The following TGFA variants were observed in gnomAD, a reference collection of about 807,000 sequenced individuals.
TGFA encodes transforming growth factor alpha.
TGFA carries 12 observed loss-of-function variants against 21.7 expected under a neutral mutation model. The observed-to-expected ratio is 0.55, with a 90% CI of 0.35 to 0.90. TGFA has a LOEUF of 0.90. Among genes scored for constraint, TGFA ranks in the 40% least tolerant of loss-of-function variants. The pLI, the probability that TGFA is intolerant of heterozygous loss-of-function variation, is 0.01. For missense variants in TGFA, 178 were observed against 210.8 expected (o/e 0.84, Z 0.96); for synonymous variants, 79 against 88.1 (o/e 0.90, Z 0.58).
At chr2:70,549,327 G>C (rs1421246966) in intron 1 of TGFA, among the ~76,000 whole-genome samples, 1 of 152,162 alleles carries the variant, frequency 6.6e-6, no homozygotes, top group Non-Finnish European at 1.5e-5. Flanking sequence ...ACGTACTTTA[G>C]GTAACATGCA....
intron 2 of TGFA, among the ~76,000 whole-genome samples, chr2:70,489,464 G>A (rs782462325): frequency 2.6e-5 from 4 of 152,332 alleles, no homozygotes; most frequent in South Asian, 2.1e-4. Context: ...AGAATCACAC[G>A]GTTGCCACCC....
chr2:70,458,074 G>A (rs1332433616), intron 3 of TGFA, among the ~76,000 whole-genome samples: 1 of 152,142 alleles, frequency 6.6e-6, no homozygotes, highest in South Asian at 2.1e-4. Context: ...GACTTTCAAC[G>A]GCTCAGGGGC....
At chr2:70,472,637 C>T (rs1219321008) in intron 2 of TGFA, among the ~76,000 whole-genome samples, 7 of 152,210 alleles carry the variant, frequency 4.6e-5, no homozygotes, top group African/African-American at 1.7e-4. Flanking sequence ...CTCCTCCCAA[C>T]AGCCCTGCTC....
chr2:70,521,646 G>A (rs1331098140), intron 1 of TGFA, among the ~76,000 whole-genome samples: 1 of 68,390 alleles, frequency 1.5e-5, no homozygotes, highest in Non-Finnish European at 2.5e-5. Flanking sequence ...TTTGAGTCTC[G>A]CTCTGTCTCC....
Position 70,450,808 on chromosome 2 carries a change from T to C in TGFA, c.*51A>G, listed in dbSNP as rs1670030105. 4.4e-6 allele frequency: 7 copies of C among 1,600,510 alleles called. No homozygotes were observed. In the East Asian group the frequency reaches 1.3e-4, roughly 31 times the overall value. ...GGCAGTGCTGTCCTGAAGAAGCCTT[T>C]CTTTATTGATCTGCCACAGTCCACC... On this transcript the variant is annotated 3_prime_UTR_variant, in exon 6 of 6. Transcript: ENST00000295400.
intron 2 of TGFA, among the ~76,000 whole-genome samples, chr2:70,492,681 C>T (rs1288250976): frequency 1.3e-5 from 2 of 152,154 alleles, no homozygotes; most frequent in African/African-American, 2.4e-5. Flanking sequence ...AATTATTGAA[C>T]TGAATTCGTG....
At chr2:70,488,741 T>A (rs536317775) in intron 2 of TGFA, among the ~76,000 whole-genome samples, 1 of 152,362 alleles carries the variant, frequency 6.6e-6, no homozygotes, top group Non-Finnish European at 1.5e-5. Context: ...ACTGACATTA[T>A]AATTATACAT....
chr2:70,455,514 T>G (rs1670202891), intron 4 of TGFA, among the ~76,000 whole-genome samples: 1 of 152,218 alleles, frequency 6.6e-6, no homozygotes, highest in Non-Finnish European at 1.5e-5. Flanking sequence ...GTCCTGTGAC[T>G]TCTTTGTGCA....
In TGFA at chr2:70,448,196, G is replaced by A. The variant is rs1669944845; in HGVS notation, c.*2663C>T. 6.6e-6 allele frequency: 1 copy of A among 152,142 alleles called. No homozygotes were observed. The highest frequency in any genetic ancestry group is 1.5e-5 in the Non-Finnish European group (1 of 68,044). The allele number at this position is 152,142 out of a possible 1,614,324, so 9.4% of individuals were successfully genotyped here. A position where few individuals can be genotyped will look rare whatever the true frequency, so the allele number is the denominator to read the frequency against. On this transcript the variant is annotated 3_prime_UTR_variant, in exon 6 of 6. Transcript: ENST00000295400. ...GTCTTCCAGATCAGGGTTGGCTGCTGTCTATCTTTCCATGTAGAAGAAAAC... is the reference window on the plus strand; with the variant it reads ...GTCTTCCAGATCAGGGTTGGCTGCTATCTATCTTTCCATGTAGAAGAAAAC...
chr2:70,472,476 G>C (rs893435649), intron 2 of TGFA, among the ~76,000 whole-genome samples: 3 of 152,206 alleles, frequency 2.0e-5, no homozygotes, highest in African/African-American at 7.2e-5. Context: ...TTTGCCTAGA[G>C]ACCACAGACC....
chr2:70,466,248 C>T (rs1670556638), intron 2 of TGFA, among the ~76,000 whole-genome samples: 1 of 152,222 alleles, frequency 6.6e-6, no homozygotes, highest in African/African-American at 2.4e-5. Context: ...GTGGCTCACG[C>T]CTGTAATCCC....
intron 2 of TGFA, among the ~76,000 whole-genome samples, chr2:70,482,839 A>G (rs1376569272): frequency 6.6e-6 from 1 of 152,178 alleles, no homozygotes; most frequent in African/African-American, 2.4e-5. Context: ...TGCTCATAAA[A>G]GTCTCAACAG....
At chr2:70,529,975 G>A (rs983785703) in intron 1 of TGFA, among the ~76,000 whole-genome samples, 2 of 152,066 alleles carry the variant, frequency 1.3e-5, no homozygotes, top group African/African-American at 4.8e-5. Context: ...TGAATGTGGG[G>A]GTATACTTTG....
intron 1 of TGFA, among the ~76,000 whole-genome samples, chr2:70,543,257 G>A (rs192128808): frequency 9.3e-4 from 142 of 152,054 alleles, no homozygotes; most frequent in Non-Finnish European, 1.6e-3. Flanking sequence ...GCCTGGCATG[G>A]TGGCTCATGC....
chr2:70,471,110 C>T (rs1187468622), intron 2 of TGFA, among the ~76,000 whole-genome samples: 3 of 133,202 alleles, frequency 2.3e-5, no homozygotes, highest in African/African-American at 9.2e-5. Context: ...CCTCCCCGCA[C>T]CCCCCCCACC....
At chr2:70,547,769 C>T (rs868910018) in intron 1 of TGFA, among the ~76,000 whole-genome samples, 12 of 67,326 alleles carry the variant, frequency 1.8e-4, no homozygotes, top group Non-Finnish European at 3.5e-4. Context: ...ACTATATATG[C>T]TATATATGTA....
At chr2:70,496,575 G>C (rs893815995) in intron 2 of TGFA, among the ~76,000 whole-genome samples, 1 of 152,160 alleles carries the variant, frequency 6.6e-6, no homozygotes, top group Non-Finnish European at 1.5e-5. Flanking sequence ...GGCTCTTTGT[G>C]ACTTACTAAT....
At chr2:70,451,902 A>G (rs1670071137) in intron 5 of TGFA, 2 of 607,540 alleles carry the variant, frequency 3.3e-6, no homozygotes, top group Non-Finnish European at 5.8e-6. Flanking sequence ...TCCTAAGACC[A>G]CTGTAAGGCT....
chr2:70,458,207 G>A (rs890065929), intron 3 of TGFA, among the ~76,000 whole-genome samples: 7 of 152,158 alleles, frequency 4.6e-5, no homozygotes, highest in Admixed American at 2.0e-4. Flanking sequence ...CCTATGAGGC[G>A]GAGGCGAAGA....
Sources: allele counts gnomAD v4.1 joint callset (sites outside exome capture counted in the v4.1 genomes callset), GRCh38; gene constraint gnomAD v4.1.1; transcripts MANE v1.5; gene names NCBI Gene and HGNC (gene_info 2026-07-23, HGNC 2026-07-21).